The following TRDN variants were observed in gnomAD, a reference collection of about 807,000 sequenced individuals.
TRDN encodes triadin.
Under a neutral mutation model 149.7 loss-of-function variants are expected in TRDN, and 161 were observed. The ratio of observed to expected loss-of-function variants is 1.08; its 90% CI spans 0.95 to 1.23. The LOEUF (loss-of-function observed/expected upper bound fraction) is 1.23, where lower values mean the gene tolerates loss of function less well. Ranked by LOEUF, TRDN falls within the 50% of genes most tolerant of loss-of-function variation. TRDN has a pLI of 0.00. For synonymous variants in TRDN, 294 were observed against 250.5 expected, an observed-to-expected ratio of 1.17 and a Z score of -1.64; for missense variants, 896 against 823.5, an observed-to-expected ratio of 1.09 and a Z score of -1.08.
chr6:123,554,439 C>T (rs752924224), intron 2 of TRDN, among the ~76,000 whole-genome samples: 19 of 151,820 alleles, frequency 1.3e-4, no homozygotes, highest in Non-Finnish European at 2.2e-4. Context: ...ATTTTCTAGA[C>T]CTAAAGAAAT....
At chr6:123,613,689 C>T (rs1415381820) in intron 1 of TRDN, among the ~76,000 whole-genome samples, 2 of 152,044 alleles carry the variant, frequency 1.3e-5, no homozygotes, top group Admixed American at 1.3e-4. Flanking sequence ...AAATGTCTTA[C>T]AATTAATATC....
chr6:123,578,996 CTT>C (rs1250343781), intron 1 of TRDN, among the ~76,000 whole-genome samples: 4 of 151,970 alleles, frequency 2.6e-5, no homozygotes, highest in Non-Finnish European at 5.9e-5. Flanking sequence ...TTGTACATTA[CTT>C]TGTATTCTGA....
intron 2 of TRDN, among the ~76,000 whole-genome samples, chr6:123,554,217 C>T (rs1223024967): frequency 2.0e-5 from 3 of 151,994 alleles, no homozygotes; most frequent in South Asian, 2.1e-4. Flanking sequence ...GCTACCCAAA[C>T]CAGGAACAAT....
chr6:123,338,503 T>G (rs909737916), intron 21 of TRDN, among the ~76,000 whole-genome samples: 2 of 152,146 alleles, frequency 1.3e-5, no homozygotes, highest in African/African-American at 4.8e-5. Flanking sequence ...CTGGAGAGGC[T>G]ACATCTAGGC....
intron 9 of TRDN, among the ~76,000 whole-genome samples, chr6:123,482,406 A>G (rs1454680649): frequency 6.6e-6 from 1 of 152,222 alleles, no homozygotes; most frequent in Non-Finnish European, 1.5e-5. Flanking sequence ...TAAATTCACA[A>G]ATATATTCTC....
At chr6:123,580,041 G>A (rs1481462412) in intron 1 of TRDN, among the ~76,000 whole-genome samples, 2 of 152,114 alleles carry the variant, frequency 1.3e-5, no homozygotes, top group Non-Finnish European at 2.9e-5. Context: ...CTTTATAGCA[G>A]TATGAAAAGG....
rs1169194940 is a variant in TRDN at position 123,466,971 on chromosome 6, C to A, written c.854-1988G>T. The stretch of plus-strand genomic sequence containing the variant: ...ATTATACTATATATAAAATTATTTC[C>A]CTGTAAATTTCACATAATTTACACT... On this transcript the variant is annotated intron_variant, in intron 9 of 40. Coordinates refer to ENST00000334268, the MANE Select transcript of TRDN (RefSeq NM_006073.4). Among the ~76,000 whole-genome samples, 30 of 151,680 alleles carry A rather than the reference C, an allele frequency of 2.0e-4. 1 individual carries two copies. The South Asian group carries it at 5.9e-3, about 30-fold the overall frequency.
intron 38 of TRDN, among the ~76,000 whole-genome samples, chr6:123,243,820 T>G (rs1048119083): frequency 6.6e-6 from 1 of 152,046 alleles, no homozygotes; most frequent in Non-Finnish European, 1.5e-5. Context: ...TGACATAAAG[T>G]GACAGAATAT....
At chr6:123,476,439 G>T (rs1777477722) in intron 9 of TRDN, among the ~76,000 whole-genome samples, 1 of 109,300 alleles carries the variant, frequency 9.1e-6, no homozygotes, top group Non-Finnish European at 1.9e-5. Flanking sequence ...AACATTCCAT[G>T]CTCATGGGTA....
chr6:123,268,197 A>C (rs1388498257), intron 31 of TRDN, among the ~76,000 whole-genome samples: 1 of 151,966 alleles, frequency 6.6e-6, no homozygotes, highest in Non-Finnish European at 1.5e-5. Context: ...GCACTGCTGA[A>C]CACTAGTTTC....
chr6:123,569,616 G>A (rs1782459286), intron 2 of TRDN, among the ~76,000 whole-genome samples: 1 of 152,214 alleles, frequency 6.6e-6, no homozygotes, highest in Non-Finnish European at 1.5e-5. Flanking sequence ...TGATGCTGGT[G>A]TCTTCTTGGA....
At chr6:123,468,612 G>A (rs1776971546) in intron 9 of TRDN, among the ~76,000 whole-genome samples, 1 of 152,084 alleles carries the variant, frequency 6.6e-6, no homozygotes, top group African/African-American at 2.4e-5. Context: ...ATCTTGTCAA[G>A]GTAGGAGGCT....
Position 123,217,318 on chromosome 6 carries a change from G to C in TRDN, c.*1283C>G, listed in dbSNP as rs1774998076. 6.6e-6 allele frequency: 1 copy of C among 151,980 alleles called. No homozygotes were observed. Among genetic ancestry groups the C allele is most frequent in the Admixed American group, 6.6e-5 (1 of 15,230 alleles). The allele number at this position is 151,980 out of a possible 1,614,324, so 9.4% of individuals were successfully genotyped here. On this transcript the variant is annotated 3_prime_UTR_variant, in exon 41 of 41. Transcript: ENST00000334268. ...TCCTTGAAAATAAATCACTTGGCTA[G>C]TATTGGCTCTGGCTATCTCAGGCCT...
chr6:123,351,405 C>A lies in TRDN; in HGVS notation c.1369+1134G>T, dbSNP rs139434313. The A allele has an allele frequency of 1.3e-5, 13 of 984,866 alleles. No homozygotes were observed. In the African/African-American group the frequency reaches 2.1e-4, roughly 16 times the overall value. 61.0% of individuals were successfully genotyped at this position (984,866 alleles called of 1,614,324 possible). A position where few individuals can be genotyped will look rare whatever the true frequency, so the allele number is the denominator to read the frequency against. On this transcript the variant is annotated intron_variant, in intron 21 of 40. Coordinates refer to ENST00000334268, the MANE Select transcript of TRDN (RefSeq NM_006073.4). The stretch of plus-strand genomic sequence containing the variant: ...AAATGAACACACTGAAATTAGGATC[C>A]AGTGCTCCCACTTTATATTTCAGAA...
At chr6:123,332,203 G>A (rs1314456653) in intron 22 of TRDN, among the ~76,000 whole-genome samples, 1 of 151,950 alleles carries the variant, frequency 6.6e-6, no homozygotes, top group Non-Finnish European at 1.5e-5. Context: ...GGATGGATAG[G>A]ACCTTATTTA....
chr6:123,412,280 A>G (rs539857061), intron 12 of TRDN, among the ~76,000 whole-genome samples: 2 of 152,240 alleles, frequency 1.3e-5, no homozygotes, highest in Non-Finnish European at 2.9e-5. Context: ...AGAACATGGT[A>G]AATTTAAAGA....
chr6:123,256,198 T>C lies in TRDN; in HGVS notation c.1871-296A>G, dbSNP rs59850790. Among the ~76,000 whole-genome samples, 1,267 of 152,332 alleles carry C rather than the reference T, an allele frequency of 8.3e-3. 27 individuals carry two copies. The highest frequency in any genetic ancestry group is 0.08 in the East Asian group (413 of 5,170). Reference sequence around the variant, plus strand: ...AGTGAGAAAATGCAGTGTGTGGTTTTCTGTTCCGGTGTTAGTTTGCTGAGA... The same window carrying C: ...AGTGAGAAAATGCAGTGTGTGGTTTCCTGTTCCGGTGTTAGTTTGCTGAGA... On this transcript the variant is annotated intron_variant, in intron 35 of 40. Transcript: ENST00000334268.
intron 24 of TRDN, among the ~76,000 whole-genome samples, chr6:123,296,205 A>G (rs897961823): frequency 1.3e-5 from 2 of 152,112 alleles, no homozygotes; most frequent in Non-Finnish European, 2.9e-5. Context: ...GCGTATTAAC[A>G]AATCTTGTTT....
intron 8 of TRDN, chr6:123,502,801 A>C (rs1778753924): frequency 5.1e-6 from 5 of 985,200 alleles, no homozygotes; most frequent in African/African-American, 1.7e-5. Context: ...TTGGTTTTGC[A>C]ATGTCTCCAA....
Sources: allele counts gnomAD v4.1 joint callset (sites outside exome capture counted in the v4.1 genomes callset), GRCh38; gene constraint gnomAD v4.1.1; transcripts MANE v1.5; gene names NCBI Gene and HGNC (gene_info 2026-07-23, HGNC 2026-07-21).